Variants in SUSD1 observed in about 807,000 individuals in gnomAD.
SUSD1 encodes sushi domain containing 1, also known as sushi domain-containing protein 1.
In SUSD1, 65 loss-of-function variants were observed where a neutral mutation model predicts 86.9. The ratio of observed to expected loss-of-function variants is 0.75; its 90% confidence interval spans 0.61 to 0.92. SUSD1 has a LOEUF of 0.92. Ranked by LOEUF, SUSD1 falls within the 40% of genes least tolerant of loss-of-function variation. The pLI, the probability that SUSD1 is intolerant of heterozygous loss-of-function variation, is 0.00. For synonymous variants in SUSD1, 346 were observed against 350.0 expected, an observed-to-expected ratio of 0.99 and a Z score of 0.13; for missense variants, 850 against 929.7, an observed-to-expected ratio of 0.91 and a Z score of 1.11.
intron 1 of SUSD1, among the ~76,000 whole-genome samples, chr9:112,162,533 T>G (rs530598255): frequency 1.3e-5 from 2 of 152,336 alleles, no homozygotes; most frequent in South Asian, 4.1e-4. Context: ...GCTAAAAACC[T>G]TAAGTAGACA....
Position 112,098,574 on chromosome 9 carries a change from A to AC in SUSD1, c.1369dup (p.Val457GlyfsTer10), listed in dbSNP as rs1830495724. 1 of 1,614,182 alleles carries AC rather than the reference A, an allele frequency of 6.2e-7. No homozygotes were observed. The highest frequency in any genetic ancestry group is 8.5e-7 in the Non-Finnish European group (1 of 1,180,028). ...AGTCGTAGGGTACAGATCCAAACAC[A>AC]CTACAGGCACTTGTTCCCTCGTTGT... On this transcript the variant is annotated frameshift_variant, in exon 10 of 17. Coordinates refer to ENST00000374270, the MANE Select transcript of SUSD1 (RefSeq NM_022486.5). LOFTEE classifies it high-confidence loss of function.
At chr9:112,095,690 A>C (rs1224118750) in intron 10 of SUSD1, among the ~76,000 whole-genome samples, 2 of 152,220 alleles carry the variant, frequency 1.3e-5, no homozygotes, top group Non-Finnish European at 2.9e-5. Context: ...GAGCCTGTGG[A>C]GTCCAGAACT....
At position 112,095,939 on chromosome 9, in the gene SUSD1, T is replaced by C. The variant is rs563956346; in HGVS notation, c.1474+2531A>G. On this transcript the variant is annotated intron_variant, in intron 10 of 16. Coordinates refer to ENST00000374270, the MANE Select transcript of SUSD1 (RefSeq NM_022486.5). ...GGGAGCAACGAAAATGGAAAGGTTT[T>C]AATCTTTGGAACGGGCATCAAGAAA... 2.6e-5 allele frequency among the ~76,000 whole-genome samples: 4 copies of C among 152,312 alleles called. No homozygotes were observed. In the East Asian group the frequency reaches 7.7e-4, roughly 29 times the overall value.
intron 3 of SUSD1, among the ~76,000 whole-genome samples, chr9:112,145,564 G>A (rs1048077412): frequency 6.6e-5 from 10 of 152,084 alleles, no homozygotes; most frequent in African/African-American, 2.4e-4. Flanking sequence ...ACAGGCATGA[G>A]CCAATGCACC....
chr9:112,174,831 C>T (rs1488893199), intron 1 of SUSD1, among the ~76,000 whole-genome samples: 6 of 151,944 alleles, frequency 3.9e-5, no homozygotes. Context: ...CGCTCGCGCC[C>T]AGCCCCCACC....
rs566413372 is a variant in SUSD1, at chr9:112,093,311, C to A, written c.1474+5159G>T. The stretch of plus-strand genomic sequence containing the variant: ...AAGTTCATATATTACAGGTTGCCAC[C>A]CAAACAAAAGGCAGACTTGCTCTCT... On this transcript the variant is annotated intron_variant, in intron 10 of 16. Transcript: ENST00000374270. Among the ~76,000 whole-genome samples the A allele has an allele frequency of 2.7e-4, 41 of 152,294 alleles. 2 individuals are homozygous for A. Among genetic ancestry groups the A allele is most frequent in the Middle Eastern group, 6.8e-3 (2 of 294 alleles).
intron 1 of SUSD1, among the ~76,000 whole-genome samples, chr9:112,164,997 C>T (rs950396800): frequency 2.0e-5 from 3 of 152,206 alleles, no homozygotes; most frequent in Admixed American, 6.5e-5. Context: ...GGATCTTAAC[C>T]TTTGTTAAAC....
intron 7 of SUSD1, among the ~76,000 whole-genome samples, chr9:112,112,499 G>A (rs1175337503): frequency 1.3e-5 from 2 of 152,048 alleles, no homozygotes; most frequent in Admixed American, 6.6e-5. Flanking sequence ...AGCCAAGCAT[G>A]GTAGTGCACA....
At chr9:112,088,799 A>ACAAACAAG (rs1830086256) in intron 10 of SUSD1, among the ~76,000 whole-genome samples, 2 of 151,626 alleles carry the variant, frequency 1.3e-5, no homozygotes, top group Non-Finnish European at 2.9e-5. Context: ...AAACAAACAA[A>ACAAACAAG]CAAACAAACA....
chr9:112,078,177 T>C lies in SUSD1; in HGVS notation c.1753+361A>G, dbSNP rs1040126745. Among the ~76,000 whole-genome samples the C allele has an allele frequency of 2.6e-5, 4 of 152,110 alleles. 1 individual carries two copies. Among genetic ancestry groups the C allele is most frequent in the African/African-American group, 9.7e-5 (4 of 41,422 alleles). On this transcript the variant is annotated intron_variant, in intron 12 of 16. Transcript: ENST00000374270. ...CTAGGCAACATAGTGAAACCCCGTC[T>C]CTACAAAAAATACAGAAATTAGCCA... is the stretch of plus-strand genomic sequence containing the variant.
intron 12 of SUSD1, among the ~76,000 whole-genome samples, chr9:112,070,846 G>T (rs1430621074): frequency 6.6e-6 from 1 of 152,234 alleles, no homozygotes; most frequent in Non-Finnish European, 1.5e-5. Context: ...AATGCACCAG[G>T]TGGCATGGAT....
intron 14 of SUSD1, 22 bp from the exon 15 acceptor site, chr9:112,052,460 T>A: frequency 1.9e-6 from 3 of 1,613,872 alleles, no homozygotes; most frequent in Non-Finnish European, 2.5e-6. Context: ...AACATAGCAA[T>A]GCATTTAGCT....
At chr9:112,066,245 C>T (rs953607529) in intron 12 of SUSD1, among the ~76,000 whole-genome samples, 5 of 152,010 alleles carry the variant, frequency 3.3e-5, no homozygotes, top group Non-Finnish European at 5.9e-5. Context: ...TGCCTGAGAC[C>T]GTAAGGAACA....
At chr9:112,060,045 A>T (rs1263073378) in intron 13 of SUSD1, among the ~76,000 whole-genome samples, 2 of 152,032 alleles carry the variant, frequency 1.3e-5, no homozygotes, top group South Asian at 2.1e-4. Flanking sequence ...AATTAGGGTA[A>T]TTTCCAAAAC....
chr9:112,117,702 C>T (rs1831386211), intron 6 of SUSD1, among the ~76,000 whole-genome samples: 1 of 152,140 alleles, frequency 6.6e-6, no homozygotes, highest in African/African-American at 2.4e-5. Flanking sequence ...TTTACGATGG[C>T]AAAGACCATG....
rs1564341210 is a variant in SUSD1 at position 112,149,356 on chromosome 9, GT to G, written c.260del (p.Asn87ThrfsTer40). On this transcript the variant is annotated frameshift_variant, in exon 3 of 17. Coordinates refer to ENST00000374270, the MANE Select transcript of SUSD1 (RefSeq NM_022486.5). LOFTEE classifies it high-confidence loss of function. ...CGGGGGTGTTGTGGCAAGATGTGTG[GT>G]TCCCACAGACAAGAGTGGCTCCAAA... ...CQFGATLVCGNHTSCHNTPGG... is the reference protein window; with the variant it reads ...CQFGATLVCGXHTSCHNTPGG... 6.2e-7 allele frequency: 1 copy of G among 1,614,096 alleles called. No homozygotes were observed. Among genetic ancestry groups the G allele is most frequent in the South Asian group, 1.1e-5 (1 of 91,082 alleles).
chr9:112,092,631 G>A lies in SUSD1; in HGVS notation c.1474+5839C>T, dbSNP rs140200063. Among the ~76,000 whole-genome samples the A allele has an allele frequency of 2.8e-3, 426 of 152,146 alleles. 1 individual carries two copies. Among genetic ancestry groups the A allele is most frequent in the Non-Finnish European group, 4.5e-3 (307 of 68,002 alleles). On this transcript the variant is annotated intron_variant, in intron 10 of 16. Transcript: ENST00000374270. ...TTTGTTTTCTTTCTTCTTTAGCCTA[G>A]ACGTCTAACCTATTATCGTTTATTT...
intron 8 of SUSD1, chr9:112,103,310 GA>G (rs1379563101): frequency 1.8e-4 from 56 of 310,486 alleles, no homozygotes; most frequent in African/African-American, 1.1e-3. Flanking sequence ...AGATGGTTAT[GA>G]GAGAGAATTT....
At chr9:112,126,894 C>T (rs1589692910) in intron 5 of SUSD1, among the ~76,000 whole-genome samples, 1 of 152,152 alleles carries the variant, frequency 6.6e-6, no homozygotes, top group Admixed American at 6.5e-5. Flanking sequence ...TGCATTCCAA[C>T]AGGATCCTAA....
Sources: allele counts gnomAD v4.1 joint callset (sites outside exome capture counted in the v4.1 genomes callset), GRCh38; gene constraint gnomAD v4.1.1; transcripts MANE v1.5; gene names NCBI Gene and HGNC (gene_info 2026-07-23, HGNC 2026-07-21).